Variants in EML6 observed in about 807,000 individuals in gnomAD.
The protein encoded by EML6 is EMAP like 6.
EML6 carries 154 observed loss-of-function variants against 240.1 expected under a neutral mutation model. The ratio of observed to expected loss-of-function variants is 0.64; its 90% CI spans 0.56 to 0.73. The LOEUF is 0.73. Among genes scored for constraint, EML6 ranks in the 30% least tolerant of loss-of-function variants. EML6 has a pLI of 0.00. For missense variants in EML6, 2,964 were observed against 2,474.6 expected, an observed-to-expected ratio of 1.20 and a Z score of -4.20; for synonymous variants, 1,148 against 899.0, an observed-to-expected ratio of 1.28 and a Z score of -4.95.
Position 54,813,742 on chromosome 2 carries a change from G to A in EML6, c.357+351G>A, listed in dbSNP as rs13393914. 9.9e-3 allele frequency among the ~76,000 whole-genome samples: 1,509 copies of A among 152,268 alleles called. 21 individuals are homozygous for A. Among genetic ancestry groups the A allele is most frequent in the African/African-American group, 0.032 (1,319 of 41,546 alleles). On this transcript the variant is annotated intron_variant, in intron 3 of 41. Transcript: ENST00000356458. The stretch of plus-strand genomic sequence containing the variant: ...GCTAGACCAAGCCTTATTCATAGAC[G>A]TCAAGCCCTGAGCATGTCTGTAGTA...
intron 2 of EML6, among the ~76,000 whole-genome samples, chr2:54,810,302 T>C (rs1203932944): frequency 1.3e-5 from 2 of 152,216 alleles, no homozygotes; most frequent in African/African-American, 4.8e-5. Context: ...ATAAAAATAC[T>C]TTAAATCCAA....
At chr2:54,844,759 GA>G (rs1176285827) in intron 8 of EML6, among the ~76,000 whole-genome samples, 2 of 152,196 alleles carry the variant, frequency 1.3e-5, no homozygotes, top group African/African-American at 4.8e-5. Context: ...TGGGGCCTGA[GA>G]AAGTAGTTTA....
intron 41 of EML6, 93 bp downstream of exon 41, chr2:54,968,861 G>A: frequency 1.5e-6 from 1 of 676,618 alleles, no homozygotes; most frequent in Non-Finnish European, 2.7e-6. Flanking sequence ...TCTCCCAGGG[G>A]CATGAGGAGG....
intron 5 of EML6, among the ~76,000 whole-genome samples, chr2:54,821,995 T>G (rs559305802): frequency 7.2e-5 from 11 of 152,232 alleles, no homozygotes; most frequent in African/African-American, 2.6e-4. Flanking sequence ...ATTCCTTTTT[T>G]CCACAAAAAG....
At chr2:54,840,629 A>G (rs1669394290) in intron 7 of EML6, among the ~76,000 whole-genome samples, 1 of 152,230 alleles carries the variant, frequency 6.6e-6, no homozygotes, top group African/African-American at 2.4e-5. Flanking sequence ...CTGAGTAACA[A>G]GGGTGGTATC....
intron 17 of EML6, among the ~76,000 whole-genome samples, chr2:54,884,471 G>C (rs1432444500): frequency 2.6e-5 from 4 of 152,174 alleles, no homozygotes; most frequent in African/African-American, 9.7e-5. Flanking sequence ...CTGAAGGTCA[G>C]GAATGGGGCT....
At chr2:54,823,617 A>T (rs376830644) in intron 5 of EML6, among the ~76,000 whole-genome samples, 1 of 151,996 alleles carries the variant, frequency 6.6e-6, no homozygotes, top group African/African-American at 2.4e-5. Flanking sequence ...AGCCATGAGT[A>T]AAAAAAACAT....
chr2:54,966,842 G>A (rs375181864), intron 38 of EML6, 158 bp from the exon 39 acceptor site: 5 of 519,306 alleles, frequency 9.6e-6, no homozygotes, highest in East Asian at 3.2e-5. Context: ...TTGTTGTCAT[G>A]GGCTGGCCAT....
intron 12 of EML6, among the ~76,000 whole-genome samples, chr2:54,860,930 C>A (rs541852210): frequency 6.6e-6 from 1 of 152,176 alleles, no homozygotes; most frequent in African/African-American, 2.4e-5. Flanking sequence ...TAGGAATATT[C>A]TAGTCTTCCT....
chr2:54,866,261 A>G (rs928563095), intron 13 of EML6, among the ~76,000 whole-genome samples: 3 of 152,204 alleles, frequency 2.0e-5, no homozygotes, highest in African/African-American at 7.2e-5. Flanking sequence ...ATGCGTTTAA[A>G]TGGTACAATC....
intron 2 of EML6, among the ~76,000 whole-genome samples, chr2:54,788,277 C>G (rs1266914376): frequency 1.3e-5 from 2 of 152,242 alleles, no homozygotes; most frequent in African/African-American, 4.8e-5. Flanking sequence ...TCTCTGGCAT[C>G]TGTAAGTAAC....
chr2:54,756,710 T>G (rs1667747705), intron 2 of EML6, among the ~76,000 whole-genome samples: 1 of 152,084 alleles, frequency 6.6e-6, no homozygotes, highest in Admixed American at 6.5e-5. Context: ...AATTTATTTT[T>G]GTTGTGGTTT....
At chr2:54,784,962 A>G (rs1291028546) in intron 2 of EML6, among the ~76,000 whole-genome samples, 4 of 152,164 alleles carry the variant, frequency 2.6e-5, no homozygotes, top group African/African-American at 9.7e-5. Flanking sequence ...GCAGCTGCAG[A>G]CCTCAGTCTA....
chr2:54,792,485 A>C (rs1381054170), intron 2 of EML6, among the ~76,000 whole-genome samples: 4 of 152,254 alleles, frequency 2.6e-5, no homozygotes, highest in Non-Finnish European at 5.9e-5. Flanking sequence ...TTATTTTCAC[A>C]CAAAAGCCTG....
chr2:54,783,247 C>A (rs1189583262), intron 2 of EML6, among the ~76,000 whole-genome samples: 1 of 152,050 alleles, frequency 6.6e-6, no homozygotes, highest in Non-Finnish European at 1.5e-5. Flanking sequence ...TATTCCATGG[C>A]AATTGATGTA....
chr2:54,731,761 G>A (rs1473855729), intron 2 of EML6, among the ~76,000 whole-genome samples: 2 of 152,152 alleles, frequency 1.3e-5, no homozygotes. Context: ...TCAGTCATTT[G>A]GATGACACTG....
At chr2:54,811,271 C>A (rs1434615999) in intron 2 of EML6, among the ~76,000 whole-genome samples, 1 of 152,136 alleles carries the variant, frequency 6.6e-6, no homozygotes, top group African/African-American at 2.4e-5. Flanking sequence ...GTCAGTGGTA[C>A]CCTAATTTCC....
At chr2:54,924,433 A>G (rs1307711755) in intron 26 of EML6, among the ~76,000 whole-genome samples, 1 of 152,108 alleles carries the variant, frequency 6.6e-6, no homozygotes, top group South Asian at 2.1e-4. Context: ...TTATCTTTTC[A>G]TTCTTGAGTT....
chr2:54,963,282 A>G (rs1676606220), intron 36 of EML6, among the ~76,000 whole-genome samples: 1 of 152,352 alleles, frequency 6.6e-6, no homozygotes, highest in South Asian at 2.1e-4. Flanking sequence ...GAGTCACAGA[A>G]TAGTCAGGTA....
Sources: gnomAD v4.1 joint callset for allele counts (sites outside exome capture counted in the v4.1 genomes callset) on GRCh38, gnomAD v4.1.1 for gene constraint, MANE v1.5 for transcripts, NCBI Gene and HGNC (gene_info 2026-07-23, HGNC 2026-07-21) for gene names.